Variants in DAB1 observed in about 807,000 individuals in gnomAD.
The protein encoded by DAB1 is disabled homolog 1.
In DAB1, 15 loss-of-function variants were observed where a neutral mutation model predicts 64.6. The observed-to-expected ratio is 0.23, with a 90% confidence interval of 0.16 to 0.36. The LOEUF (loss-of-function observed/expected upper bound fraction) is 0.36, where lower values mean the gene tolerates loss of function less well. DAB1 is among the 10% of genes least tolerant of loss of function. DAB1 has a pLI of 1.00. For missense variants in DAB1, 596 were observed against 706.7 expected, an observed-to-expected ratio of 0.84 and a Z score of 1.78; for synonymous variants, 235 against 251.9, an observed-to-expected ratio of 0.93 and a Z score of 0.64.
chr1:58,021,744 G>C (rs548927743), intron 5 of DAB1, among the ~76,000 whole-genome samples: 131 of 152,256 alleles, frequency 8.6e-4, no homozygotes, highest in African/African-American at 2.8e-3. Flanking sequence ...ATGTAGATGT[G>C]GTATAGGGGA....
At chr1:57,191,922 T>G (rs1304050832) in intron 2 of DAB1, among the ~76,000 whole-genome samples, 1 of 152,050 alleles carries the variant, frequency 6.6e-6, no homozygotes, top group East Asian at 1.9e-4. Context: ...GATGTGAAAT[T>G]GAACAGAGGG....
chr1:57,252,402 A>C (rs2100524297), intron 2 of DAB1, among the ~76,000 whole-genome samples: 1 of 152,306 alleles, frequency 6.6e-6, no homozygotes, highest in African/African-American at 2.4e-5. Flanking sequence ...ATAACAATAA[A>C]CCTCAGGACT....
chr1:57,080,400 G>A (rs986007021), intron 4 of DAB1, among the ~76,000 whole-genome samples: 4 of 152,142 alleles, frequency 2.6e-5, no homozygotes, highest in Admixed American at 1.3e-4. Flanking sequence ...CAATTAAAAC[G>A]AGGAGGTGGA....
chr1:58,235,187 A>G (rs1659961681), intron 4 of DAB1, among the ~76,000 whole-genome samples: 1 of 152,206 alleles, frequency 6.6e-6, no homozygotes, highest in African/African-American at 2.4e-5. Context: ...CTCTGAGCCA[A>G]ATGCTTATCT....
intron 7 of DAB1, among the ~76,000 whole-genome samples, chr1:57,483,127 T>C (rs899479698): frequency 6.6e-6 from 1 of 152,226 alleles, no homozygotes; most frequent in Non-Finnish European, 1.5e-5. Flanking sequence ...CAAGGAAATA[T>C]GCCAAAATGT....
intron 4 of DAB1, among the ~76,000 whole-genome samples, chr1:58,180,275 TCTTTTC>T (rs1656708059): frequency 1.5e-5 from 2 of 132,814 alleles, no homozygotes; most frequent in African/African-American, 2.7e-5. Context: ...TTCTTTTTTT[TCTTTTC>T]TTTTTTTTTT....
chr1:57,831,493 T>C lies in DAB1; in HGVS notation n.88-5038A>G, dbSNP rs567904663. Among the ~76,000 whole-genome samples the C allele has an allele frequency of 9.2e-5, 14 of 151,540 alleles. No homozygotes were observed. The East Asian group carries it at 2.5e-3, about 27-fold the overall frequency. On this transcript the variant is annotated intron_variant and non_coding_transcript_variant, in intron 1 of 1. Coordinates refer to the DAB1 transcript ENST00000477280. Reference sequence around the variant, plus strand: ...CAAATATTGCCTCATTCATAAACCATGAAAAAGTTATATTAACTAAATAAT... The same window carrying C: ...CAAATATTGCCTCATTCATAAACCACGAAAAAGTTATATTAACTAAATAAT...
chr1:57,219,170 T>C (rs1257052956), intron 2 of DAB1, among the ~76,000 whole-genome samples: 1 of 152,132 alleles, frequency 6.6e-6, no homozygotes, highest in Non-Finnish European at 1.5e-5. Context: ...ACAGTGACCA[T>C]TATAGGGTTG....
chr1:57,613,005 C>T (rs954580724), intron 7 of DAB1, among the ~76,000 whole-genome samples: 16 of 152,108 alleles, frequency 1.1e-4, no homozygotes, highest in Non-Finnish European at 1.8e-4. Flanking sequence ...TATTCCCCTT[C>T]GTGCCTGACA....
chr1:57,156,503 A>T (rs982065183), intron 2 of DAB1, among the ~76,000 whole-genome samples: 4 of 152,328 alleles, frequency 2.6e-5, no homozygotes, highest in African/African-American at 9.6e-5. Flanking sequence ...GATCTGCTGA[A>T]TAACTGAAAA....
intron 7 of DAB1, among the ~76,000 whole-genome samples, chr1:57,435,328 C>T (rs1232445114): frequency 2.6e-5 from 4 of 152,008 alleles, no homozygotes; most frequent in Admixed American, 1.3e-4. Context: ...GGATTACAGG[C>T]GTGAGCCACC....
At chr1:57,940,401 T>TCTGC (rs563066117) in intron 5 of DAB1, among the ~76,000 whole-genome samples, 177 of 152,354 alleles carry the variant, frequency 1.2e-3, no homozygotes, top group Non-Finnish European at 2.2e-3. Context: ...ACTTCTAATG[T>TCTGC]CTGCACCTTA....
chr1:57,832,458 C>T (rs1057018777), intron 1 of DAB1, among the ~76,000 whole-genome samples: 39 of 152,182 alleles, frequency 2.6e-4, no homozygotes, highest in African/African-American at 8.9e-4. Flanking sequence ...CTAGATGGAA[C>T]AGATCTTGGT....
At chr1:57,021,010 A>C (rs1321923825) in intron 11 of DAB1, among the ~76,000 whole-genome samples, 1 of 152,212 alleles carries the variant, frequency 6.6e-6, no homozygotes, top group Non-Finnish European at 1.5e-5. Flanking sequence ...ACAATTAGTC[A>C]CAAGGAGATC....
At chr1:57,932,333 T>G (rs1030025852) in intron 5 of DAB1, among the ~76,000 whole-genome samples, 2 of 152,212 alleles carry the variant, frequency 1.3e-5, no homozygotes, top group Non-Finnish European at 2.9e-5. Flanking sequence ...GTAGTCTATA[T>G]GCGTCAATTA....
At chr1:57,750,158 G>A (rs760138911) in intron 6 of DAB1, among the ~76,000 whole-genome samples, 4 of 151,970 alleles carry the variant, frequency 2.6e-5, no homozygotes, top group Non-Finnish European at 5.9e-5. Context: ...TCTTTTCCTG[G>A]GATATTCAAA....
chr1:57,450,949 T>C (rs867013672), intron 7 of DAB1, among the ~76,000 whole-genome samples: 2 of 152,240 alleles, frequency 1.3e-5, no homozygotes, highest in Admixed American at 6.5e-5. Context: ...ACATGTGCAA[T>C]AGACATTTCA....
intron 3 of DAB1, among the ~76,000 whole-genome samples, chr1:58,404,772 G>T (rs1329100726): frequency 6.6e-6 from 1 of 152,154 alleles, no homozygotes; most frequent in Non-Finnish European, 1.5e-5. Flanking sequence ...GTAACACACA[G>T]GGTGGCTAGG....
At chr1:57,862,946 T>C (rs1288768142) in intron 1 of DAB1, 1 of 152,092 alleles carries the variant, frequency 6.6e-6, no homozygotes, top group Non-Finnish European at 1.5e-5. Context: ...ACAAGGAAAA[T>C]GACAACATAT....
Sources: gnomAD v4.1 joint callset for allele counts (sites outside exome capture counted in the v4.1 genomes callset) on GRCh38, gnomAD v4.1.1 for gene constraint, MANE v1.5 for transcripts, NCBI Gene and HGNC (gene_info 2026-07-23, HGNC 2026-07-21) for gene names.